PLPP4: variants seen among roughly 807,000 people sequenced by gnomAD.
PLPP4 encodes diacylglycerol pyrophosphate like 2.
In PLPP4, 20 loss-of-function variants were observed where a neutral mutation model predicts 32.2. That is an observed-to-expected ratio of 0.62 (90% CI 0.44 to 0.90). PLPP4 has a LOEUF of 0.90. Ranked by LOEUF, PLPP4 falls within the 40% of genes least tolerant of loss-of-function variation. The pLI, the probability that PLPP4 is intolerant of heterozygous loss-of-function variation, is 0.00. For missense variants in PLPP4, 257 were observed against 353.1 expected (o/e 0.73, Z 2.18); for synonymous variants, 127 against 133.0 (o/e 0.95, Z 0.31).
chr10:120,477,438 G>GT (rs1393218115), intron 1 of PLPP4, among the ~76,000 whole-genome samples: 3 of 151,378 alleles, frequency 2.0e-5, no homozygotes, highest in South Asian at 2.1e-4. Context: ...CCCATCGTCA[G>GT]TTTTTTTGTT....
intron 1 of PLPP4, among the ~76,000 whole-genome samples, chr10:120,479,911 T>A (rs1332807453): frequency 6.6e-6 from 1 of 152,236 alleles, no homozygotes; most frequent in African/African-American, 2.4e-5. Flanking sequence ...TCTTATAGTT[T>A]AAAATGTTTT....
chr10:120,545,780 G>A (rs2133973187), intron 5 of PLPP4, among the ~76,000 whole-genome samples: 1 of 152,318 alleles, frequency 6.6e-6, no homozygotes, highest in Middle Eastern at 3.4e-3. Context: ...AGGATGCAAA[G>A]TATTGTTCCT....
At chr10:120,469,664 AC>A (rs1450899778) in intron 1 of PLPP4, among the ~76,000 whole-genome samples, 1 of 152,244 alleles carries the variant, frequency 6.6e-6, no homozygotes, top group Non-Finnish European at 1.5e-5. Flanking sequence ...TTAAAGCAAT[AC>A]AAAAAGTATA....
intron 5 of PLPP4, among the ~76,000 whole-genome samples, chr10:120,532,132 A>G (rs1846767653): frequency 6.6e-6 from 1 of 151,196 alleles, no homozygotes; most frequent in Non-Finnish European, 1.5e-5. Context: ...TCATTGTTCA[A>G]CTCCCACTTA....
intron 5 of PLPP4, among the ~76,000 whole-genome samples, chr10:120,553,304 A>G (rs991443169): frequency 1.3e-5 from 2 of 152,308 alleles, no homozygotes; most frequent in East Asian, 3.9e-4. Flanking sequence ...TGATTAAGTC[A>G]TAGGGCCTAA....
intron 1 of PLPP4, among the ~76,000 whole-genome samples, chr10:120,477,446 G>C (rs1312074249): frequency 6.7e-6 from 1 of 150,192 alleles, no homozygotes; most frequent in South Asian, 2.1e-4. Flanking sequence ...CAGTTTTTTT[G>C]TTTGTTTGTT....
intron 5 of PLPP4, among the ~76,000 whole-genome samples, chr10:120,564,525 G>A (rs866361578): frequency 6.6e-6 from 1 of 151,688 alleles, no homozygotes; most frequent in Non-Finnish European, 1.5e-5. Context: ...TAATATTTCT[G>A]TTTTCTGTTT....
At chr10:120,535,216 T>C (rs536149182) in intron 5 of PLPP4, among the ~76,000 whole-genome samples, 1 of 152,310 alleles carries the variant, frequency 6.6e-6, no homozygotes, top group African/African-American at 2.4e-5. Context: ...CTACATTCCT[T>C]TGTGATTTCC....
At chr10:120,522,876 G>A (rs970379133) in intron 5 of PLPP4, among the ~76,000 whole-genome samples, 3 of 152,160 alleles carry the variant, frequency 2.0e-5, no homozygotes, top group Non-Finnish European at 2.9e-5. Flanking sequence ...AATGAACACT[G>A]TTTTACATGC....
chr10:120,563,566 C>T (rs1413782919), intron 5 of PLPP4, among the ~76,000 whole-genome samples: 1 of 147,664 alleles, frequency 6.8e-6, no homozygotes, highest in Non-Finnish European at 1.5e-5. Flanking sequence ...TTTGGGAGGC[C>T]GAGGCGGGTG....
intron 5 of PLPP4, among the ~76,000 whole-genome samples, chr10:120,546,226 A>G (rs1377012855): frequency 2.0e-5 from 3 of 152,040 alleles, no homozygotes; most frequent in African/African-American, 4.8e-5. Context: ...TCCCTTTCAT[A>G]TATACGTCTA....
Position 120,503,915 on chromosome 10 carries a change from C to CGGT in PLPP4, c.155_156insGTG (p.Arg52_Leu53insCys). ...GGTGCAATCAGATAACATACCTACC[C>CGGT]GCCTCATGTTTGTAAGTACCATGAT... On this transcript the variant is annotated inframe_insertion, in exon 2 of 7. Transcript: ENST00000398250. The CGGT allele has an allele frequency of 1.2e-6, 2 of 1,600,712 alleles. No homozygotes were observed. The highest frequency in any genetic ancestry group is 1.7e-6 in the Non-Finnish European group (2 of 1,167,868).
intron 1 of PLPP4, among the ~76,000 whole-genome samples, chr10:120,485,391 C>T (rs1703503900): frequency 6.6e-6 from 1 of 152,226 alleles, no homozygotes; most frequent in African/African-American, 2.4e-5. Context: ...CCCTTTGTCT[C>T]TCTTTTCCAT....
At chr10:120,571,478 T>G (rs1252298572) in intron 5 of PLPP4, among the ~76,000 whole-genome samples, 1 of 151,968 alleles carries the variant, frequency 6.6e-6, no homozygotes, top group African/African-American at 2.4e-5. Context: ...CTCCTCACAG[T>G]GTGTAAAATG....
intron 5 of PLPP4, among the ~76,000 whole-genome samples, chr10:120,562,760 G>C (rs1465679192): frequency 6.6e-6 from 1 of 152,082 alleles, no homozygotes; most frequent in Non-Finnish European, 1.5e-5. Context: ...TTTACTCAAT[G>C]CTAGATTTGG....
At chr10:120,535,228 T>C (rs555777640) in intron 5 of PLPP4, among the ~76,000 whole-genome samples, 18 of 152,304 alleles carry the variant, frequency 1.2e-4, no homozygotes, top group African/African-American at 4.3e-4. Context: ...GTGATTTCCT[T>C]TATCTGTGGG....
At chr10:120,586,845 T>G (rs1423749089) in intron 6 of PLPP4, among the ~76,000 whole-genome samples, 1 of 152,124 alleles carries the variant, frequency 6.6e-6, no homozygotes, top group Non-Finnish European at 1.5e-5. Flanking sequence ...CATGTGTAAC[T>G]GGGAGACTTG....
intron 5 of PLPP4, among the ~76,000 whole-genome samples, chr10:120,558,128 A>G (rs1848243946): frequency 6.6e-6 from 1 of 151,516 alleles, no homozygotes; most frequent in East Asian, 1.9e-4. Context: ...ATCCTACATT[A>G]CCCTCCTGGT....
intron 2 of PLPP4, among the ~76,000 whole-genome samples, chr10:120,507,861 A>G (rs1369059053): frequency 1.3e-5 from 2 of 152,192 alleles, no homozygotes; most frequent in African/African-American, 2.4e-5. Flanking sequence ...AAAGATGAAT[A>G]AGATATGGTT....
Sources: allele counts gnomAD v4.1 joint callset (sites outside exome capture counted in the v4.1 genomes callset), GRCh38; gene constraint gnomAD v4.1.1; transcripts MANE v1.5; gene names NCBI Gene and HGNC (gene_info 2026-07-23, HGNC 2026-07-21).